Variants in SUB1 observed in about 807,000 individuals in gnomAD.
SUB1 encodes the protein SUB1 regulator of transcription.
A neutral mutation model predicts 16.9 loss-of-function variants in SUB1; 1 was observed. That is an observed-to-expected ratio of 0.06 (90% CI 0.02 to 0.28). The LOEUF (loss-of-function observed/expected upper bound fraction) is 0.28, where lower values mean the gene tolerates loss of function less well. Ranked by LOEUF, SUB1 falls within the 10% of genes least tolerant of loss-of-function variation. The probability of loss-of-function intolerance (pLI) is 1.00; values close to 1 mark genes in which losing one functional copy is unlikely to be tolerated. For missense variants in SUB1, 84 were observed against 145.2 expected, an observed-to-expected ratio of 0.58 and a Z score of 2.16; for synonymous variants, 51 against 46.9, an observed-to-expected ratio of 1.09 and a Z score of -0.36.
chr5:32,588,374 T>C, intron 1 of SUB1, 138 bp from the exon 2 acceptor site: 3 of 703,950 alleles, frequency 4.3e-6, no homozygotes, highest in Non-Finnish European at 7.1e-6. Context: ...TTGTGCTCAG[T>C]GTAACAACTC....
intron 3 of SUB1, among the ~76,000 whole-genome samples, chr5:32,593,590 C>T (rs1164734758): frequency 6.6e-6 from 1 of 152,126 alleles, no homozygotes; most frequent in Admixed American, 6.5e-5. Context: ...ACCAGAAAAA[C>T]GGAGCTTCAT....
intron 3 of SUB1, chr5:32,594,813 C>T (rs563536218): frequency 5.2e-6 from 1 of 192,592 alleles, no homozygotes; most frequent in East Asian, 1.3e-4. Flanking sequence ...TCACCTTTCC[C>T]CTTCCCTACC....
chr5:32,586,188 C>G (rs62367597), intron 1 of SUB1: 11,661 of 152,362 alleles, frequency 0.077, 522 homozygotes, highest in Non-Finnish European at 0.1. Flanking sequence ...CACGCCCCCT[C>G]CGACCAACCT....
intron 1 of SUB1, among the ~76,000 whole-genome samples, chr5:32,587,135 G>A (rs866274959): frequency 1.3e-5 from 2 of 152,080 alleles, no homozygotes; most frequent in African/African-American, 4.8e-5. Context: ...CTAAGCATGT[G>A]GGAGTTATTT....
chr5:32,591,746 G>A (rs892692685), intron 3 of SUB1, 61 bp downstream of exon 3: 23 of 1,480,350 alleles, frequency 1.6e-5, no homozygotes, highest in Non-Finnish European at 2.0e-5. Flanking sequence ...TGTCACCCAG[G>A]CTGGAGTGCA....
chr5:32,589,562 G>C (rs1287477830), intron 2 of SUB1, among the ~76,000 whole-genome samples: 1 of 152,126 alleles, frequency 6.6e-6, no homozygotes, highest in Non-Finnish European at 1.5e-5. Flanking sequence ...GACAAGATAG[G>C]CTTTTTCTGC....
chr5:32,600,426 G>A (rs937813939), intron 4 of SUB1, among the ~76,000 whole-genome samples: 2 of 152,218 alleles, frequency 1.3e-5, no homozygotes, highest in Non-Finnish European at 2.9e-5. Context: ...ACGGGTATTA[G>A]TAAGATGTGT....
At chr5:32,597,373 C>G (rs1738994167) in intron 3 of SUB1, 1 of 152,012 alleles carries the variant, frequency 6.6e-6, no homozygotes, top group African/African-American at 2.4e-5. Flanking sequence ...TAGTATGTAA[C>G]AGGATTTCCT....
chr5:32,590,402 T>G (rs1281283864), intron 2 of SUB1, among the ~76,000 whole-genome samples: 2 of 151,998 alleles, frequency 1.3e-5, no homozygotes, highest in African/African-American at 2.4e-5. Context: ...TTTTTGAGAA[T>G]GCGACTTTCT....
At chr5:32,594,342 C>T (rs190909336) in intron 3 of SUB1, among the ~76,000 whole-genome samples, 2 of 152,212 alleles carry the variant, frequency 1.3e-5, no homozygotes, top group East Asian at 1.9e-4. Flanking sequence ...TTATTTAGTA[C>T]CTGTGTCTTG....
chr5:32,586,389 T>C (rs1738669644), intron 1 of SUB1: 1 of 152,250 alleles, frequency 6.6e-6, no homozygotes, highest in South Asian at 2.1e-4. Context: ...AGATTTCGTT[T>C]CTCTTTTTAA....
intron 3 of SUB1, among the ~76,000 whole-genome samples, chr5:32,591,902 C>T (rs1290418861): frequency 1.3e-5 from 2 of 151,858 alleles, no homozygotes; most frequent in African/African-American, 4.8e-5. Flanking sequence ...GTTTCACCAT[C>T]TTGGCCAGGC....
At chr5:32,600,908 A>G in intron 4 of SUB1, 97 bp from the exon 5 acceptor site, 1 of 1,177,506 alleles carries the variant, frequency 8.5e-7, no homozygotes. Flanking sequence ...CCCAGCCTAA[A>G]GTGGCAATTT....
intron 1 of SUB1, chr5:32,586,133 A>G (rs553630413): frequency 8.5e-5 from 13 of 152,294 alleles, no homozygotes; most frequent in African/African-American, 2.6e-4. Context: ...CTTGGTGCAA[A>G]TCCCGCCCCT....
At chr5:32,593,079 C>A (rs1738870815) in intron 3 of SUB1, among the ~76,000 whole-genome samples, 1 of 151,910 alleles carries the variant, frequency 6.6e-6, no homozygotes, top group Non-Finnish European at 1.5e-5. Flanking sequence ...GTGGTGTGAT[C>A]TCTGCTCACT....
At chr5:32,588,985 A>G (rs1738746863) in intron 2 of SUB1, among the ~76,000 whole-genome samples, 1 of 152,218 alleles carries the variant, frequency 6.6e-6, no homozygotes. Context: ...GGAACCCTAA[A>G]GTTGCAGAAA....
chr5:32,591,927 T>G (rs1446839367), intron 3 of SUB1, among the ~76,000 whole-genome samples: 1 of 152,158 alleles, frequency 6.6e-6, no homozygotes, highest in South Asian at 2.1e-4. Context: ...CTTGAACTCC[T>G]GACCTTGTGA....
intron 3 of SUB1, among the ~76,000 whole-genome samples, chr5:32,592,974 A>C (rs772598281): frequency 1.8e-4 from 28 of 152,168 alleles, no homozygotes; most frequent in Non-Finnish European, 3.5e-4. Flanking sequence ...TCCAGGAGCT[A>C]TAAGTATTAG....
chr5:32,599,475 C>T (rs897693402), intron 4 of SUB1, among the ~76,000 whole-genome samples: 1 of 152,306 alleles, frequency 6.6e-6, no homozygotes, highest in East Asian at 1.9e-4. Flanking sequence ...TCAAGCGGAT[C>T]TCTGCTTTCC....
Sources: gnomAD v4.1 joint callset for allele counts (sites outside exome capture counted in the v4.1 genomes callset) on GRCh38, gnomAD v4.1.1 for gene constraint, MANE v1.5 for transcripts, NCBI Gene and HGNC (gene_info 2026-07-23, HGNC 2026-07-21) for gene names.